ADAMTS6: variants seen among roughly 807,000 people sequenced by gnomAD.
The protein encoded by ADAMTS6 is A disintegrin and metalloproteinase with thrombospondin motifs 6.
ADAMTS6 carries 23 observed loss-of-function variants against 144.3 expected under a neutral mutation model. The observed-to-expected ratio is 0.16, with a 90% CI of 0.11 to 0.23. The LOEUF is 0.23. ADAMTS6 is among the 10% of genes least tolerant of loss of function. The probability of loss-of-function intolerance (pLI) is 1.00; values close to 1 mark genes in which losing one functional copy is unlikely to be tolerated. For missense variants in ADAMTS6, 999 were observed against 1,379.6 expected, an observed-to-expected ratio of 0.72 and a Z score of 4.37; for synonymous variants, 444 against 457.5, an observed-to-expected ratio of 0.97 and a Z score of 0.38.
At chr5:65,440,138 C>T (rs1174117385) in intron 7 of ADAMTS6, among the ~76,000 whole-genome samples, 1 of 152,098 alleles carries the variant, frequency 6.6e-6, no homozygotes, top group East Asian at 1.9e-4. Context: ...AAAGCACAAA[C>T]TGAAGTATTT....
chr5:65,324,738 C>A (rs115021068), intron 9 of ADAMTS6, among the ~76,000 whole-genome samples: 2,546 of 152,082 alleles, frequency 0.017, 63 homozygotes, highest in African/African-American at 0.059. Context: ...TGAACAGACA[C>A]TTCAAAGAAG....
intron 11 of ADAMTS6, among the ~76,000 whole-genome samples, chr5:65,283,303 T>C (rs774370076): frequency 2.0e-5 from 3 of 152,074 alleles, no homozygotes; most frequent in Non-Finnish European, 4.4e-5. Flanking sequence ...AATAGTTTAA[T>C]CCTGTTATGT....
intron 7 of ADAMTS6, among the ~76,000 whole-genome samples, chr5:65,401,570 T>C (rs1753918554): frequency 6.6e-6 from 1 of 152,200 alleles, no homozygotes; most frequent in South Asian, 2.1e-4. Context: ...TAGGTCCTCC[T>C]GGAGTTTTTA....
intron 7 of ADAMTS6, among the ~76,000 whole-genome samples, chr5:65,354,434 T>C (rs996092705): frequency 1.3e-5 from 2 of 151,788 alleles, no homozygotes; most frequent in Non-Finnish European, 3.0e-5. Context: ...ATTATCTAGA[T>C]AGACTTAGAT....
chr5:65,395,723 T>C (rs1256534652), intron 7 of ADAMTS6, among the ~76,000 whole-genome samples: 3 of 152,220 alleles, frequency 2.0e-5, no homozygotes, highest in Non-Finnish European at 4.4e-5. Flanking sequence ...GCTGTTAATA[T>C]TTTAAAGCTT....
intron 7 of ADAMTS6, among the ~76,000 whole-genome samples, chr5:65,411,900 T>C (rs901353952): frequency 6.6e-6 from 1 of 152,198 alleles, no homozygotes; most frequent in Non-Finnish European, 1.5e-5. Flanking sequence ...AGAAATGCCA[T>C]ACTATGTATC....
intron 14 of ADAMTS6, 47 bp downstream of exon 14, chr5:65,260,553 G>A (rs747250091): frequency 2.6e-6 from 4 of 1,526,648 alleles, no homozygotes; most frequent in Non-Finnish European, 3.6e-6. Context: ...CCCTACTCTA[G>A]GGAAAGAGTA....
At chr5:65,399,048 G>C (rs1753695411) in intron 7 of ADAMTS6, among the ~76,000 whole-genome samples, 1 of 152,076 alleles carries the variant, frequency 6.6e-6, no homozygotes, top group Non-Finnish European at 1.5e-5. Context: ...TCCGAGGTCA[G>C]GAGTTCGAGA....
At chr5:65,216,782 T>TACACACAC (rs10584577) in intron 18 of ADAMTS6, among the ~76,000 whole-genome samples, 9,136 of 148,556 alleles carry the variant, frequency 0.061, 296 homozygotes, top group African/African-American at 0.087. Flanking sequence ...TTACAAGAAA[T>TACACACAC]ACACACACAC....
At chr5:65,176,109 A>AAAAAAAAGGG (rs1321403625) in intron 22 of ADAMTS6, among the ~76,000 whole-genome samples, 5 of 143,700 alleles carry the variant, frequency 3.5e-5, no homozygotes, top group Admixed American at 3.4e-4. Flanking sequence ...TCATCTTCGG[A>AAAAAAAAGGG]AAAAAAAGGG....
intron 11 of ADAMTS6, among the ~76,000 whole-genome samples, chr5:65,280,113 T>G (rs1762875059): frequency 6.6e-6 from 1 of 152,204 alleles, no homozygotes. Context: ...GGGCTTCAGT[T>G]TCTTATGGGA....
At chr5:65,298,580 T>G (rs1561393978) in intron 10 of ADAMTS6, among the ~76,000 whole-genome samples, 1 of 152,146 alleles carries the variant, frequency 6.6e-6, no homozygotes, top group Non-Finnish European at 1.5e-5. Context: ...CCAAAAGATA[T>G]CTTACAAATG....
chr5:65,197,184 G>A, intron 20 of ADAMTS6, 33 bp from the exon 21 acceptor site: 1 of 1,608,924 alleles, frequency 6.2e-7, no homozygotes, highest in Non-Finnish European at 8.5e-7. Flanking sequence ...TAATTGAAGA[G>A]AAGTTTACCT....
At chr5:65,288,612 C>T (rs1406600370) in intron 11 of ADAMTS6, among the ~76,000 whole-genome samples, 2 of 152,042 alleles carry the variant, frequency 1.3e-5, no homozygotes, top group African/African-American at 4.8e-5. Flanking sequence ...GCCACCACAC[C>T]TGGCCCATTC....
At chr5:65,359,465 T>A (rs1016221410) in intron 7 of ADAMTS6, among the ~76,000 whole-genome samples, 3 of 152,094 alleles carry the variant, frequency 2.0e-5, no homozygotes, top group African/African-American at 7.2e-5. Context: ...AGTGAGAATA[T>A]AAATTAGTAT....
At chr5:65,428,200 T>A (rs960584122) in intron 7 of ADAMTS6, among the ~76,000 whole-genome samples, 17 of 132,304 alleles carry the variant, frequency 1.3e-4, no homozygotes, top group African/African-American at 4.8e-4. Context: ...CATTCCAGCC[T>A]GCGCAACAGA....
At chr5:65,262,003 G>C (rs1761239295) in intron 13 of ADAMTS6, among the ~76,000 whole-genome samples, 1 of 152,082 alleles carries the variant, frequency 6.6e-6, no homozygotes, top group African/African-American at 2.4e-5. Flanking sequence ...ATACTAGCTG[G>C]GAAAGAAGGT....
At chr5:65,437,395 C>T (rs1030525001) in intron 7 of ADAMTS6, among the ~76,000 whole-genome samples, 3 of 151,866 alleles carry the variant, frequency 2.0e-5, no homozygotes, top group African/African-American at 2.4e-5. Context: ...CACTCGGCCC[C>T]GGAAACTCCC....
At chr5:65,350,911 G>T (rs1342220265) in intron 7 of ADAMTS6, among the ~76,000 whole-genome samples, 2 of 152,160 alleles carry the variant, frequency 1.3e-5, no homozygotes, top group Non-Finnish European at 2.9e-5. Context: ...GCCTCCCAAA[G>T]TGCTGGGATT....
Sources: gnomAD v4.1 joint callset for allele counts (sites outside exome capture counted in the v4.1 genomes callset) on GRCh38, gnomAD v4.1.1 for gene constraint, MANE v1.5 for transcripts, NCBI Gene and HGNC (gene_info 2026-07-23, HGNC 2026-07-21) for gene names.